Variants in SNTG2 observed in about 807,000 individuals in gnomAD.
The protein encoded by SNTG2 is syntrophin gamma 2.
Under a neutral mutation model 70.9 loss-of-function variants are expected in SNTG2, and 74 were observed. The observed-to-expected ratio is 1.04, with a 90% CI of 0.86 to 1.27. The LOEUF (loss-of-function observed/expected upper bound fraction) is 1.27, where lower values mean the gene tolerates loss of function less well. SNTG2 is among the 50% of genes most tolerant of loss of function. The probability of loss-of-function intolerance (pLI) is 0.00; values close to 1 mark genes in which losing one functional copy is unlikely to be tolerated. For synonymous variants in SNTG2, 278 were observed against 273.8 expected (o/e 1.02, Z -0.15); for missense variants, 717 against 690.7 (o/e 1.04, Z -0.43).
chr2:1,206,665 G>A (rs866585479), intron 8 of SNTG2, among the ~76,000 whole-genome samples: 8 of 152,224 alleles, frequency 5.3e-5, no homozygotes, highest in South Asian at 2.1e-4. Context: ...AGTGAAAAGC[G>A]TCCTATGAAA....
chr2:987,225 G>A (rs1259444824), intron 1 of SNTG2, among the ~76,000 whole-genome samples: 1 of 152,208 alleles, frequency 6.6e-6, no homozygotes, highest in African/African-American at 2.4e-5. Flanking sequence ...GGATGGTTGT[G>A]CCAGGACTGA....
intron 16 of SNTG2, among the ~76,000 whole-genome samples, chr2:1,320,323 A>G (rs1461241585): frequency 2.6e-5 from 4 of 152,036 alleles, no homozygotes; most frequent in African/African-American, 7.2e-5. Flanking sequence ...TCATGAGGTC[A>G]TGAGATCGAG....
chr2:1,079,424 C>T (rs372136531), intron 1 of SNTG2, among the ~76,000 whole-genome samples: 42 of 152,238 alleles, frequency 2.8e-4, no homozygotes, highest in African/African-American at 9.6e-4. Context: ...TGATTTGGAA[C>T]GCCTAATTAC....
At chr2:968,397 A>G (rs796783481) in intron 1 of SNTG2, among the ~76,000 whole-genome samples, 20 of 152,242 alleles carry the variant, frequency 1.3e-4, no homozygotes, top group African/African-American at 4.3e-4. Context: ...TCTCCCAGTT[A>G]ATTATCAATT....
intron 1 of SNTG2, among the ~76,000 whole-genome samples, chr2:1,074,698 T>C (rs4246569): frequency 0.82 from 124,520 of 152,210 alleles, 50,986 homozygotes; most frequent in Admixed American, 0.89. Context: ...TTATAACTTT[T>C]TCTGGAAATG....
chr2:1,004,028 T>G (rs1659489084), intron 1 of SNTG2, among the ~76,000 whole-genome samples: 1 of 152,208 alleles, frequency 6.6e-6, no homozygotes, highest in South Asian at 2.1e-4. Flanking sequence ...AAGAGAGCTA[T>G]TACAAAGCAG....
At chr2:959,507 C>CG (rs1558278791) in intron 1 of SNTG2, among the ~76,000 whole-genome samples, 1 of 151,764 alleles carries the variant, frequency 6.6e-6, no homozygotes, top group Non-Finnish European at 1.5e-5. Context: ...GGCCTGGAGT[C>CG]GGGGGGAGGT....
intron 4 of SNTG2, among the ~76,000 whole-genome samples, chr2:1,128,170 C>CT (rs10707640): frequency 1.3e-5 from 2 of 151,354 alleles, no homozygotes; most frequent in African/African-American, 4.8e-5. Flanking sequence ...TTATTAAATG[C>CT]TTTTTTTTTC....
intron 1 of SNTG2, among the ~76,000 whole-genome samples, chr2:1,005,518 T>A (rs180721202): frequency 4.0e-5 from 6 of 151,866 alleles, no homozygotes; most frequent in Admixed American, 6.6e-5. Context: ...AATATTAACG[T>A]TGGAGCTGGG....
intron 1 of SNTG2, among the ~76,000 whole-genome samples, chr2:1,083,260 AC>A (rs1306629315): frequency 0.19 from 2,749 of 14,132 alleles, 81 homozygotes; most frequent in African/African-American, 0.28. Flanking sequence ...TAAAAAAAAA[AC>A]AAACGCCTGG....
At chr2:1,316,651 C>T (rs929100207) in intron 16 of SNTG2, among the ~76,000 whole-genome samples, 5 of 56,574 alleles carry the variant, frequency 8.8e-5, no homozygotes, top group East Asian at 8.6e-4. Flanking sequence ...ATCTGAAATC[C>T]GAAAATCCAA....
At chr2:1,363,325 C>T (rs1661303773) in intron 16 of SNTG2, among the ~76,000 whole-genome samples, 1 of 152,182 alleles carries the variant, frequency 6.6e-6, no homozygotes, top group African/African-American at 2.4e-5. Flanking sequence ...TCTGTAACCT[C>T]CTCACTTTGC....
chr2:1,045,615 C>A (rs1238864500), intron 1 of SNTG2, among the ~76,000 whole-genome samples: 2 of 152,090 alleles, frequency 1.3e-5, no homozygotes, highest in African/African-American at 4.8e-5. Flanking sequence ...TTCTTGATTT[C>A]TGACTTAATT....
chr2:1,168,184 G>C (rs1427052196), intron 7 of SNTG2, among the ~76,000 whole-genome samples: 3 of 121,584 alleles, frequency 2.5e-5, no homozygotes, highest in Admixed American at 8.5e-5. Context: ...CTGAAGCCTA[G>C]AAGCTGCCCA....
At chr2:1,115,365 C>G (rs989642972) in intron 4 of SNTG2, among the ~76,000 whole-genome samples, 4 of 151,922 alleles carry the variant, frequency 2.6e-5, no homozygotes, top group Admixed American at 6.6e-5. Context: ...TTAACCCTTA[C>G]AGTCCTTTGA....
At chr2:1,102,920 C>T (rs185003095) in intron 4 of SNTG2, among the ~76,000 whole-genome samples, 16 of 152,330 alleles carry the variant, frequency 1.1e-4, no homozygotes, top group African/African-American at 3.8e-4. Flanking sequence ...CGAAGTGGCT[C>T]GTGAGCCTCT....
chr2:1,268,256 C>T (rs1678853897), intron 14 of SNTG2, among the ~76,000 whole-genome samples: 1 of 152,188 alleles, frequency 6.6e-6, no homozygotes, highest in Admixed American at 6.5e-5. Flanking sequence ...ACACCAAAGT[C>T]CAGGGCTCCC....
intron 1 of SNTG2, among the ~76,000 whole-genome samples, chr2:1,031,677 C>T (rs1045869592): frequency 3.3e-5 from 5 of 151,096 alleles, no homozygotes; most frequent in South Asian, 2.1e-4. Flanking sequence ...ATTACAGGCA[C>T]GTCCCACCAC....
intron 12 of SNTG2, among the ~76,000 whole-genome samples, chr2:1,256,786 C>T (rs1481843999): frequency 6.6e-6 from 1 of 152,072 alleles, no homozygotes; most frequent in Non-Finnish European, 1.5e-5. Flanking sequence ...CATGAAGTCA[C>T]CTGAGCTGCG....
Sources: allele counts gnomAD v4.1 joint callset (sites outside exome capture counted in the v4.1 genomes callset), GRCh38; gene constraint gnomAD v4.1.1; transcripts MANE v1.5; gene names NCBI Gene and HGNC (gene_info 2026-07-23, HGNC 2026-07-21).